FBN1: variants seen among roughly 807,000 people sequenced by gnomAD.
FBN1 encodes fibrillin 1.
Under a neutral mutation model 365.1 loss-of-function variants are expected in FBN1, and 29 were observed. That is an observed-to-expected ratio of 0.08 (90% CI 0.06 to 0.11). FBN1 has a LOEUF of 0.11. Ranked by LOEUF, FBN1 falls within the 10% of genes least tolerant of loss-of-function variation. The probability of loss-of-function intolerance (pLI) is 1.00; values close to 1 mark genes in which losing one functional copy is unlikely to be tolerated. For synonymous variants in FBN1, 1,210 were observed against 1,270.5 expected, an observed-to-expected ratio of 0.95 and a Z score of 1.01; for missense variants, 2,476 against 3,703.2, an observed-to-expected ratio of 0.67 and a Z score of 8.60.
chr15:48,527,462 A>T (rs1394313813), intron 8 of FBN1, among the ~76,000 whole-genome samples: 1 of 152,238 alleles, frequency 6.6e-6, no homozygotes, highest in Non-Finnish European at 1.5e-5. Context: ...AGCTTTCTGC[A>T]CTGACCTTGG....
At position 48,435,772 on chromosome 15, in the gene FBN1, A is replaced by ATATATGTATATGTGTGTG. The variant is rs1555395092; in HGVS notation, c.6497-1060_6497-1059insCACACACATATACATATA. 1.5e-4 allele frequency among the ~76,000 whole-genome samples: 16 copies of ATATATGTATATGTGTGTG among 106,360 alleles called. 1 individual carries two copies. The South Asian group carries it at 1.9e-3, about 13-fold the overall frequency. 69.8% of individuals were successfully genotyped at this position (106,360 alleles called of 152,430 possible). ...TATATGTGTGTATATATATGTGTAT[A>ATATATGTATATGTGTGTG]TGTGTGTGTGTGTGTGTGTGTGTGT... On this transcript the variant is annotated intron_variant, in intron 53 of 65. Transcript: ENST00000316623.
At chr15:48,480,715 C>G (rs559754689) in intron 32 of FBN1, among the ~76,000 whole-genome samples, 9 of 152,146 alleles carry the variant, frequency 5.9e-5, no homozygotes, top group African/African-American at 2.2e-4. Context: ...ATTTGCCCCA[C>G]TGCCAATCTG....
At chr15:48,599,654 T>C (rs1481066233) in intron 5 of FBN1, among the ~76,000 whole-genome samples, 1 of 152,050 alleles carries the variant, frequency 6.6e-6, no homozygotes, top group African/African-American at 2.4e-5. Flanking sequence ...CTGAACACCA[T>C]GTGATAAGTA....
intron 10 of FBN1, among the ~76,000 whole-genome samples, chr15:48,517,133 G>A (rs2043811402): frequency 1.3e-5 from 2 of 152,312 alleles, no homozygotes; most frequent in Middle Eastern, 3.4e-3. Flanking sequence ...TTGGTGGGTA[G>A]AAACCAAGTT....
At chr15:48,558,800 GAA>G (rs1443559651) in intron 6 of FBN1, among the ~76,000 whole-genome samples, 1 of 152,154 alleles carries the variant, frequency 6.6e-6, no homozygotes, top group Non-Finnish European at 1.5e-5. Flanking sequence ...GAAAATTTTT[GAA>G]GTATCGTGGG....
At chr15:48,486,211 A>G (rs2043505544) in intron 29 of FBN1, among the ~76,000 whole-genome samples, 1 of 152,182 alleles carries the variant, frequency 6.6e-6, no homozygotes, top group African/African-American at 2.4e-5. Context: ...CCACAGATTC[A>G]CTTATAAACT....
chr15:48,501,849 T>C (rs911943756), intron 17 of FBN1, among the ~76,000 whole-genome samples: 3 of 152,218 alleles, frequency 2.0e-5, no homozygotes, highest in African/African-American at 7.2e-5. Context: ...ATTAATAATA[T>C]ACAACTATAA....
chr15:48,539,491 T>G (rs2141360579), intron 6 of FBN1, among the ~76,000 whole-genome samples: 1 of 152,316 alleles, frequency 6.6e-6, no homozygotes, highest in Admixed American at 6.5e-5. Context: ...ATTTTAGTAG[T>G]CACATATTAA....
chr15:48,448,658 T>C, intron 46 of FBN1, 110 bp downstream of exon 46: 3 of 1,054,468 alleles, frequency 2.8e-6, no homozygotes, highest in Non-Finnish European at 4.2e-6. Flanking sequence ...TTTTATTTTG[T>C]ATATAGCAAA....
chr15:48,630,731 C>CAAAAA (rs11393587), intron 2 of FBN1, among the ~76,000 whole-genome samples: 63 of 110,688 alleles, frequency 5.7e-4, no homozygotes, highest in Non-Finnish European at 6.4e-4. Flanking sequence ...GACTCCATCT[C>CAAAAA]AAAAAAAAAA....
intron 27 of FBN1, among the ~76,000 whole-genome samples, 185 bp downstream of exon 27, chr15:48,487,928 C>T (rs1047693336): frequency 6.6e-6 from 1 of 152,202 alleles, no homozygotes; most frequent in Non-Finnish European, 1.5e-5. Flanking sequence ...TCTCCGCCAT[C>T]ACCCACAAAC....
rs2043368871 is a variant in FBN1, at chr15:48,470,885, T to A, written c.4337-129A>T. 1.5e-5 allele frequency: 16 copies of A among 1,040,450 alleles called. No homozygotes were observed. In the East Asian group the frequency reaches 4.2e-4, roughly 27 times the overall value. 64.5% of individuals were successfully genotyped at this position (1,040,450 alleles called of 1,614,324 possible). A position where few individuals can be genotyped will look rare whatever the true frequency, so the allele number is the denominator to read the frequency against. ...AGTATCTAACACCAATCTGGGCACT[T>A]CTCCTATAGACTTTTAGATGATTTG... On this transcript the variant is annotated intron_variant, in intron 35 of 65. Coordinates refer to ENST00000316623, the MANE Select transcript of FBN1 (RefSeq NM_000138.5).
intron 63 of FBN1, chr15:48,416,741 T>C (rs1415371025): frequency 6.6e-6 from 1 of 152,152 alleles, no homozygotes; most frequent in Admixed American, 6.5e-5. Flanking sequence ...AGATCTGCCT[T>C]TGCAGGGCAG....
At chr15:48,490,442 C>A (rs1377074387) in intron 24 of FBN1, among the ~76,000 whole-genome samples, 1 of 152,156 alleles carries the variant, frequency 6.6e-6, no homozygotes, top group Non-Finnish European at 1.5e-5. Context: ...CTTGGCATGT[C>A]CTCCACAGCT....
chr15:48,639,945 GA>G (rs1477752780), intron 2 of FBN1, among the ~76,000 whole-genome samples: 3 of 152,140 alleles, frequency 2.0e-5, no homozygotes, highest in Non-Finnish European at 4.4e-5. Context: ...CTTACTGGAA[GA>G]AAAAGCCAAC....
At chr15:48,474,680 G>C (rs552432764) in intron 32 of FBN1, 30 bp from the exon 33 acceptor site, 5 of 1,613,864 alleles carry the variant, frequency 3.1e-6, no homozygotes, top group Non-Finnish European at 4.2e-6. Flanking sequence ...TTTAGAAAAA[G>C]GCTCAGCACA....
At position 48,596,353 on chromosome 15, in the gene FBN1, A is replaced by T. The variant is rs757577615; in HGVS notation, c.468T>A (p.Asn156Lys). The change falls in exon 6 of 66, where the codon AAT becomes AAA. Residue 156 changes from asparagine to lysine, a missense_variant. Physicochemically the swap from Asn to Lys is moderately conservative, Grantham distance 94. Coordinates refer to ENST00000316623, the MANE Select transcript of FBN1 (RefSeq NM_000138.5). ...GATTTGGGGCCACACACCTTCCTCC[A>T]TTGAGACAGCCACTTTCACAAACAG... is the stretch of plus-strand genomic sequence containing the variant. ...GQPVCESGCL[N>K]GGRCVAPNRC... is the part of the protein sequence containing the mutation. 6.2e-7 allele frequency: 1 copy of T among 1,613,926 alleles called. No individual in the cohort carries two copies. The highest frequency in any genetic ancestry group is 8.5e-7 in the Non-Finnish European group (1 of 1,179,902).
At chr15:48,643,051 A>T (rs1220020415) in intron 2 of FBN1, 2 of 152,242 alleles carry the variant, frequency 1.3e-5, no homozygotes, top group Non-Finnish European at 2.9e-5. Context: ...CTCTCTGCAG[A>T]TCTTCAGCCA....
intron 34 of FBN1, among the ~76,000 whole-genome samples, chr15:48,473,471 T>C (rs2043393984): frequency 6.6e-6 from 1 of 152,250 alleles, no homozygotes; most frequent in South Asian, 2.1e-4. Flanking sequence ...TAAGTATATG[T>C]ATAATTTATG....
Sources: allele counts gnomAD v4.1 joint callset (sites outside exome capture counted in the v4.1 genomes callset), GRCh38; gene constraint gnomAD v4.1.1; transcripts MANE v1.5; gene names NCBI Gene and HGNC (gene_info 2026-07-23, HGNC 2026-07-21).